The following TAF12 variants were observed in gnomAD, a reference collection of about 807,000 sequenced individuals.
The protein encoded by TAF12 is transcription initiation factor TFIID subunit 12.
TAF12 carries 3 observed loss-of-function variants against 20.8 expected under a neutral mutation model. The ratio of observed to expected loss-of-function variants is 0.14; its 90% CI spans 0.07 to 0.37. The LOEUF (loss-of-function observed/expected upper bound fraction) is 0.37, where lower values mean the gene tolerates loss of function less well. Among genes scored for constraint, TAF12 ranks in the 10% least tolerant of loss-of-function variants. TAF12 has a pLI of 1.00. For synonymous variants in TAF12, 69 were observed against 70.2 expected (o/e 0.98, Z 0.09); for missense variants, 131 against 197.9 (o/e 0.66, Z 2.03).
intron 3 of TAF12, 81 bp downstream of exon 3, chr1:28,617,872 A>G: frequency 7.4e-7 from 1 of 1,355,316 alleles, no homozygotes; most frequent in Non-Finnish European, 1.1e-6. Context: ...GAGCCACTGC[A>G]TCTGGCCTGT....
At chr1:28,611,322 G>A (rs1475010221) in intron 4 of TAF12, among the ~76,000 whole-genome samples, 1 of 152,068 alleles carries the variant, frequency 6.6e-6, no homozygotes, top group African/African-American at 2.4e-5. Flanking sequence ...AGTGTTCTTA[G>A]ACCAGGCATC....
chr1:28,604,119 G>A (rs768880195), intron 5 of TAF12, among the ~76,000 whole-genome samples: 5 of 152,054 alleles, frequency 3.3e-5, no homozygotes, highest in Non-Finnish European at 5.9e-5. Context: ...TGGCCGGGCT[G>A]GTGTCAAACT....
intron 2 of TAF12, among the ~76,000 whole-genome samples, chr1:28,621,298 T>G (rs1167379843): frequency 6.6e-6 from 1 of 152,164 alleles, no homozygotes; most frequent in Non-Finnish European, 1.5e-5. Context: ...GTCAAAGGGA[T>G]TATACTTATT....
At chr1:28,630,533 C>CA (rs1477401195) in intron 1 of TAF12, among the ~76,000 whole-genome samples, 1 of 150,234 alleles carries the variant, frequency 6.7e-6, no homozygotes, top group Non-Finnish European at 1.5e-5. Flanking sequence ...GCCTAGGTGA[C>CA]AGAGTGAGAC....
chr1:28,626,677 G>C (rs1371937312), intron 1 of TAF12, among the ~76,000 whole-genome samples: 1 of 151,814 alleles, frequency 6.6e-6, no homozygotes, highest in Non-Finnish European at 1.5e-5. Context: ...GGGAGACCGA[G>C]GCAGGCAGAA....
intron 1 of TAF12, among the ~76,000 whole-genome samples, chr1:28,628,150 G>A (rs1252621253): frequency 3.4e-5 from 5 of 145,058 alleles, no homozygotes; most frequent in Non-Finnish European, 5.9e-5. Context: ...ACCTGAGCTC[G>A]AGACCAGCCT....
At chr1:28,639,426 C>CCAAAAAAAAAAAAAA (rs1667959831) in intron 1 of TAF12, among the ~76,000 whole-genome samples, 6 of 89,512 alleles carry the variant, frequency 6.7e-5, no homozygotes, top group African/African-American at 2.4e-4. Context: ...CTCCGTCTCA[C>CCAAAAAAAAAAAAAA]AAAAAAAAAA....
chr1:28,625,939 C>A (rs903819468), intron 1 of TAF12, among the ~76,000 whole-genome samples: 2 of 151,732 alleles, frequency 1.3e-5, no homozygotes, highest in Non-Finnish European at 2.9e-5. Flanking sequence ...CTCAGCCTAC[C>A]AGAGTGCTGG....
intron 4 of TAF12, among the ~76,000 whole-genome samples, chr1:28,609,524 T>C (rs1487149120): frequency 1.3e-5 from 2 of 152,122 alleles, no homozygotes; most frequent in Non-Finnish European, 2.9e-5. Context: ...TACTGCTCTG[T>C]CGCCCAGGCT....
intron 1 of TAF12, among the ~76,000 whole-genome samples, chr1:28,626,989 C>T (rs921263378): frequency 1.2e-4 from 18 of 152,076 alleles, no homozygotes; most frequent in Non-Finnish European, 1.2e-4. Context: ...TGAATATTCA[C>T]ATATCAAATT....
rs571187422 is a variant in TAF12, at chr1:28,627,089, T to C, written c.-84-4924A>G. The stretch of plus-strand genomic sequence containing the variant: ...GGAATAGCTCCAACAGCAGTCACTT[T>C]AATGAAATAAGTGGAGGCTGGGTGC... On this transcript the variant is annotated intron_variant, in intron 1 of 5. Transcript: ENST00000373824. Among the ~76,000 whole-genome samples the C allele has an allele frequency of 9.5e-4, 144 of 152,180 alleles. 1 individual carries two copies. The highest frequency in any genetic ancestry group is 1.8e-4 in the Non-Finnish European group (12 of 67,986).
At chr1:28,639,354 T>TG (rs1667957318) in intron 1 of TAF12, among the ~76,000 whole-genome samples, 1 of 148,728 alleles carries the variant, frequency 6.7e-6, no homozygotes, top group Admixed American at 6.8e-5. Flanking sequence ...AGGTGAAAGT[T>TG]GGAGTGAGCC....
chr1:28,624,724 G>T (rs1009263450), intron 1 of TAF12, among the ~76,000 whole-genome samples: 1 of 151,644 alleles, frequency 6.6e-6, no homozygotes, highest in Non-Finnish European at 1.5e-5. Context: ...TCCAGCCTGG[G>T]CAACAGAGCG....
chr1:28,617,672 T>C (rs1667087356), intron 3 of TAF12, among the ~76,000 whole-genome samples: 1 of 151,960 alleles, frequency 6.6e-6, no homozygotes, highest in Non-Finnish European at 1.5e-5. Flanking sequence ...AGGATGGTCT[T>C]GATCTCCTGA....
At chr1:28,620,577 A>T (rs2124334710) in intron 2 of TAF12, among the ~76,000 whole-genome samples, 1 of 152,020 alleles carries the variant, frequency 6.6e-6, no homozygotes, top group East Asian at 1.9e-4. Flanking sequence ...CTGGGACTAC[A>T]GGCGCCTGCC....
Position 28,622,274 on chromosome 1 carries a change from C to G in TAF12, c.-84-109G>C, listed in dbSNP as rs946364038. ...ATGGCTCACAACTGTAATCCCAGCA[C>G]TTTGGGAGGCCCAGGTGGTAGCATC... is the stretch of plus-strand genomic sequence containing the variant. On this transcript the variant is annotated intron_variant, in intron 1 of 5. Coordinates refer to ENST00000373824, the MANE Select transcript of TAF12 (RefSeq NM_005644.4). 30 of 1,085,020 alleles carry G rather than the reference C, an allele frequency of 2.8e-5. No homozygotes were observed. In the African/African-American group the frequency reaches 4.9e-4, roughly 18 times the overall value. 67.2% of individuals were successfully genotyped at this position (1,085,020 alleles called of 1,614,324 possible).
At chr1:28,639,987 C>G (rs527251130) in intron 1 of TAF12, among the ~76,000 whole-genome samples, 1 of 152,280 alleles carries the variant, frequency 6.6e-6, no homozygotes, top group East Asian at 1.9e-4. Flanking sequence ...GGACTACAGG[C>G]ATGTGCCACC....
chr1:28,624,169 A>G (rs1002715507), intron 1 of TAF12: 3 of 184,190 alleles, frequency 1.6e-5, no homozygotes, highest in African/African-American at 7.1e-5. Context: ...AGTGGGAGCC[A>G]AGACAAACAT....
At chr1:28,604,777 G>A (rs1180966132) in intron 5 of TAF12, among the ~76,000 whole-genome samples, 2 of 152,170 alleles carry the variant, frequency 1.3e-5, no homozygotes, top group Admixed American at 1.3e-4. Flanking sequence ...AGACAGAAAG[G>A]ATAACAGCCT....
Sources: gnomAD v4.1 joint callset for allele counts (sites outside exome capture counted in the v4.1 genomes callset) on GRCh38, gnomAD v4.1.1 for gene constraint, MANE v1.5 for transcripts, NCBI Gene and HGNC (gene_info 2026-07-23, HGNC 2026-07-21) for gene names.